The following SAMD12 variants were observed in gnomAD, a reference collection of about 807,000 sequenced individuals.
SAMD12 encodes the protein sterile alpha motif domain containing 12, also known as sterile alpha motif domain-containing protein 12.
In SAMD12, 9 loss-of-function variants were observed where a neutral mutation model predicts 15.0. The ratio of observed to expected loss-of-function variants is 0.60; its 90% CI spans 0.36 to 1.05. SAMD12 has a LOEUF of 1.05. SAMD12 is among the 50% of genes least tolerant of loss of function. The pLI is 0.01. For synonymous variants in SAMD12, 86 were observed against 90.1 expected (o/e 0.96, Z 0.25); for missense variants, 230 against 234.2 (o/e 0.98, Z 0.12).
intron 2 of SAMD12, among the ~76,000 whole-genome samples, chr8:118,536,037 G>A (rs911104921): frequency 3.9e-5 from 6 of 152,118 alleles, no homozygotes; most frequent in East Asian, 1.9e-4. Context: ...CTTCTGCGTC[G>A]CTCACGCTGG....
At chr8:118,439,780 G>A (rs1340905239) in intron 3 of SAMD12, 52 bp downstream of exon 3, 17 of 1,582,258 alleles carry the variant, frequency 1.1e-5, no homozygotes, top group Middle Eastern at 3.7e-4. Flanking sequence ...AAAGGCTATC[G>A]TGACTGGGAG....
chr8:118,233,500 A>G (rs1269402749), intron 4 of SAMD12, among the ~76,000 whole-genome samples: 2 of 152,172 alleles, frequency 1.3e-5, no homozygotes, highest in Non-Finnish European at 2.9e-5. Context: ...GGGTAACTTA[A>G]AAGAAGTGGT....
intron 2 of SAMD12, among the ~76,000 whole-genome samples, chr8:118,468,969 G>C (rs1823679609): frequency 6.6e-6 from 1 of 152,178 alleles, no homozygotes; most frequent in Non-Finnish European, 1.5e-5. Flanking sequence ...GATTCTGCTG[G>C]ATTTTACTCC....
intron 4 of SAMD12, among the ~76,000 whole-genome samples, chr8:118,217,760 C>A (rs1811997408): frequency 1.3e-5 from 2 of 152,160 alleles, no homozygotes; most frequent in Admixed American, 1.3e-4. Context: ...TTCAATTGTA[C>A]AAGGCTATGT....
At chr8:118,278,010 G>T (rs1440094177) in intron 4 of SAMD12, among the ~76,000 whole-genome samples, 1 of 152,178 alleles carries the variant, frequency 6.6e-6, no homozygotes, top group African/African-American at 2.4e-5. Flanking sequence ...AGCAAACATG[G>T]TAGCAAACTC....
intron 2 of SAMD12, among the ~76,000 whole-genome samples, chr8:118,551,716 C>T (rs1318039923): frequency 6.7e-6 from 1 of 149,050 alleles, no homozygotes; most frequent in South Asian, 2.1e-4. Flanking sequence ...AAAAACCCTT[C>T]AAAAAATTAA....
At chr8:118,460,680 G>A (rs931747122) in intron 2 of SAMD12, among the ~76,000 whole-genome samples, 5 of 152,124 alleles carry the variant, frequency 3.3e-5, no homozygotes, top group Admixed American at 2.6e-4. Context: ...GAACATTACT[G>A]GAGGGAGAAG....
intron 4 of SAMD12, among the ~76,000 whole-genome samples, chr8:118,273,952 G>A (rs1480180394): frequency 6.6e-6 from 1 of 152,194 alleles, no homozygotes; most frequent in East Asian, 1.9e-4. Context: ...TGTCTACTTT[G>A]TGCCCATCAT....
intron 4 of SAMD12, among the ~76,000 whole-genome samples, chr8:118,250,256 A>G (rs1305603092): frequency 6.6e-6 from 1 of 152,092 alleles, no homozygotes; most frequent in Non-Finnish European, 1.5e-5. Context: ...TGGCTCATCA[A>G]ATACCAGCTT....
At chr8:118,497,440 A>G (rs1368364372) in intron 2 of SAMD12, among the ~76,000 whole-genome samples, 2 of 152,230 alleles carry the variant, frequency 1.3e-5, no homozygotes, top group Admixed American at 6.5e-5. Context: ...GCTTCAGGTC[A>G]TTAACCTAAG....
In SAMD12 at chr8:118,492,495, G is replaced by A. The variant is rs140212438; in HGVS notation, c.193-52534C>T. Among the ~76,000 whole-genome samples, 280 of 152,172 alleles carry A rather than the reference G, an allele frequency of 1.8e-3. 3 individuals are homozygous for A. The East Asian group carries it at 0.028, about 15-fold the overall frequency. On this transcript the variant is annotated intron_variant, in intron 2 of 3. Transcript: ENST00000314727. ...AAAGTTACTCGATATGGTAGGGATG[G>A]GGGGATTCATTCATTTGAAGAAGCC...
intron 4 of SAMD12, among the ~76,000 whole-genome samples, chr8:118,241,543 A>G (rs1437584517): frequency 6.6e-6 from 1 of 152,154 alleles, no homozygotes; most frequent in Non-Finnish European, 1.5e-5. Context: ...GAGAAGTTTA[A>G]GATGATTATA....
exon 5 of SAMD12, chr8:118,197,410 A>G: frequency 2.1e-6 from 1 of 481,030 alleles, no homozygotes; most frequent in Non-Finnish European, 3.7e-6. Flanking sequence ...CAGCTCCCCA[A>G]AGGGAACTTG....
At chr8:118,216,501 A>T (rs1021976432) in intron 4 of SAMD12, among the ~76,000 whole-genome samples, 9 of 152,060 alleles carry the variant, frequency 5.9e-5, no homozygotes, top group Non-Finnish European at 1.2e-4. Context: ...TTTTCTTGCC[A>T]TTGCTTTTGG....
At chr8:118,534,995 G>A (rs1486987766) in intron 2 of SAMD12, among the ~76,000 whole-genome samples, 1 of 152,192 alleles carries the variant, frequency 6.6e-6, no homozygotes, top group East Asian at 1.9e-4. Context: ...CTGCTGGCGA[G>A]GAGCTGCATT....
At chr8:118,535,805 T>A (rs1228635786) in intron 2 of SAMD12, among the ~76,000 whole-genome samples, 3 of 152,190 alleles carry the variant, frequency 2.0e-5, no homozygotes, top group Non-Finnish European at 4.4e-5. Flanking sequence ...AAAAGCGCAG[T>A]ATTAGGGTTG....
chr8:118,447,698 T>A (rs868555778), intron 2 of SAMD12, among the ~76,000 whole-genome samples: 1 of 122,850 alleles, frequency 8.1e-6, no homozygotes, highest in African/African-American at 3.9e-5. Context: ...TTATTTTTTA[T>A]TTTTAATATT....
At chr8:118,322,691 T>C (rs895391239) in intron 4 of SAMD12, among the ~76,000 whole-genome samples, 2 of 152,160 alleles carry the variant, frequency 1.3e-5, no homozygotes, top group Non-Finnish European at 2.9e-5. Flanking sequence ...ATGGTATCCA[T>C]GGGTAAAGTT....
chr8:118,293,980 TACA>T (rs1345985444), intron 4 of SAMD12, among the ~76,000 whole-genome samples: 4 of 152,166 alleles, frequency 2.6e-5, no homozygotes, highest in African/African-American at 9.6e-5. Context: ...AAGCTAATAA[TACA>T]CTGAAATCAA....
Sources: allele counts gnomAD v4.1 joint callset (sites outside exome capture counted in the v4.1 genomes callset), GRCh38; gene constraint gnomAD v4.1.1; transcripts MANE v1.5; gene names NCBI Gene and HGNC (gene_info 2026-07-23, HGNC 2026-07-21).